PIK3C2G: variants seen among roughly 807,000 people sequenced by gnomAD.
The protein encoded by PIK3C2G is phosphatidylinositol-4-phosphate 3-kinase catalytic subunit type 2 gamma, also known as phosphatidylinositol 3-kinase C2 domain-containing subunit gamma.
Under a neutral mutation model 181.1 loss-of-function variants are expected in PIK3C2G, and 168 were observed. The observed-to-expected ratio is 0.93, with a 90% CI of 0.82 to 1.05. The LOEUF (loss-of-function observed/expected upper bound fraction) is 1.05. Ranked by LOEUF, PIK3C2G falls within the 50% of genes least tolerant of loss-of-function variation. PIK3C2G has a pLI of 0.00. For synonymous variants in PIK3C2G, 573 were observed against 592.2 expected (o/e 0.97, Z 0.47); for missense variants, 1,869 against 1,732.8 (o/e 1.08, Z -1.40).
At chr12:18,347,737 G>T (rs1939806655) in intron 11 of PIK3C2G, among the ~76,000 whole-genome samples, 1 of 151,994 alleles carries the variant, frequency 6.6e-6, no homozygotes, top group African/African-American at 2.4e-5. Flanking sequence ...CTTGAAACCA[G>T]GAAGCAGAGG....
intron 26 of PIK3C2G, 79 bp downstream of exon 26, chr12:18,546,511 G>A (rs1365532382): frequency 1.3e-6 from 1 of 798,372 alleles, no homozygotes; most frequent in Non-Finnish European, 2.1e-6. Flanking sequence ...ATGATTTCAG[G>A]TTGACCAGTC....
At chr12:18,547,093 C>G (rs1428803766) in intron 26 of PIK3C2G, among the ~76,000 whole-genome samples, 2 of 151,938 alleles carry the variant, frequency 1.3e-5, no homozygotes, top group Non-Finnish European at 2.9e-5. Context: ...AAACTGCATT[C>G]TTTCTTTCCT....
intron 18 of PIK3C2G, among the ~76,000 whole-genome samples, chr12:18,476,098 T>C (rs537954961): frequency 3.9e-5 from 6 of 152,200 alleles, no homozygotes; most frequent in Admixed American, 3.3e-4. Flanking sequence ...AAAATAACTG[T>C]CAATAAGAAC....
intron 23 of PIK3C2G, among the ~76,000 whole-genome samples, chr12:18,503,880 C>A (rs1941663365): frequency 6.6e-6 from 1 of 152,150 alleles, no homozygotes; most frequent in African/African-American, 2.4e-5. Flanking sequence ...TGACTGCAAA[C>A]ACTTTTTCTC....
At chr12:18,492,801 C>T (rs751403156) in intron 20 of PIK3C2G, among the ~76,000 whole-genome samples, 7 of 152,118 alleles carry the variant, frequency 4.6e-5, no homozygotes, top group Non-Finnish European at 1.0e-4. Flanking sequence ...TGTGCAGGTG[C>T]ACCGGCTGGG....
the PIK3C2G span, among the ~76,000 whole-genome samples, chr12:18,703,266 G>A: frequency 3.9e-5 from 6 of 152,062 alleles, no homozygotes; most frequent in African/African-American, 9.7e-5. Flanking sequence ...TTATCACACA[G>A]TTCATTTTTT....
chr12:18,435,790 T>C (rs539051931), intron 18 of PIK3C2G, among the ~76,000 whole-genome samples: 1 of 152,180 alleles, frequency 6.6e-6, no homozygotes, highest in South Asian at 2.1e-4. Flanking sequence ...TCTGTCTATA[T>C]AGAATCCTTT....
In PIK3C2G at chr12:18,399,649, G is replaced by A. The variant is rs182905938; in HGVS notation, c.2127-10G>A. ...TCCAGTAAATTACAGTTTCCAATCT[G>A]GTTTTTCAGACTCTCTGAAGAAAAG... On this transcript the variant is annotated splice_polypyrimidine_tract_variant and intron_variant, in intron 15 of 32. Coordinates refer to ENST00000538779, the MANE Select transcript of PIK3C2G (RefSeq NM_001288772.2). 4,902 of 1,521,802 alleles carry A rather than the reference G, an allele frequency of 3.2e-3. 14 individuals carry two copies. Among genetic ancestry groups the A allele is most frequent in the Non-Finnish European group, 3.8e-3 (4,215 of 1,118,698 alleles). 94.3% of individuals were successfully genotyped at this position (1,521,802 alleles called of 1,614,324 possible). A position where few individuals can be genotyped will look rare whatever the true frequency, so the allele number is the denominator to read the frequency against.
chr12:18,259,674 T>C (rs948886981), upstream of PIK3C2G, among the ~76,000 whole-genome samples: 4 of 152,136 alleles, frequency 2.6e-5, no homozygotes, highest in Non-Finnish European at 1.5e-5. Context: ...AAATTTTGAC[T>C]CTTACAATAA....
At chr12:18,425,425 C>T (rs1283322926) in intron 18 of PIK3C2G, among the ~76,000 whole-genome samples, 1 of 116,512 alleles carries the variant, frequency 8.6e-6, no homozygotes, top group Non-Finnish European at 1.7e-5. Context: ...CGGAGTCTCA[C>T]TTTGTCACCA....
the PIK3C2G span, chr12:18,684,319 C>A: frequency 6.5e-6 from 10 of 1,543,230 alleles, no homozygotes; most frequent in East Asian, 1.6e-4. Context: ...ATAATAGATA[C>A]CATATCTAGG....
At chr12:18,476,594 G>A (rs1183848700) in intron 18 of PIK3C2G, among the ~76,000 whole-genome samples, 1 of 152,078 alleles carries the variant, frequency 6.6e-6, no homozygotes, top group Non-Finnish European at 1.5e-5. Flanking sequence ...ATGACAGAAA[G>A]AAGAAACTAG....
At chr12:18,563,632 C>A in intron 28 of PIK3C2G, 134 bp downstream of exon 28, 1 of 720,720 alleles carries the variant, frequency 1.4e-6, no homozygotes, top group Non-Finnish European at 2.2e-6. Context: ...TCTATCCCAG[C>A]AGAGAGTCTG....
intron 18 of PIK3C2G, among the ~76,000 whole-genome samples, chr12:18,487,863 C>T (rs563254214): frequency 1.5e-4 from 22 of 150,260 alleles, no homozygotes; most frequent in African/African-American, 4.8e-4. Flanking sequence ...TAAATAAAAA[C>T]TCAGCCTAAT....
chr12:18,462,940 T>A (rs1025673145), intron 18 of PIK3C2G, among the ~76,000 whole-genome samples: 29 of 117,130 alleles, frequency 2.5e-4, no homozygotes, highest in African/African-American at 7.5e-4. Context: ...TTAAAAAAAA[T>A]AAGTGCTATA....
In PIK3C2G at chr12:18,441,436, T is replaced by C. The variant is rs145247555; in HGVS notation, c.2504+17397T>C. On this transcript the variant is annotated intron_variant, in intron 18 of 32. Coordinates refer to ENST00000538779, the MANE Select transcript of PIK3C2G (RefSeq NM_001288772.2). The stretch of plus-strand genomic sequence containing the variant: ...AATAGGAAAAATTGCTTTTTAAATA[T>C]ACTGGTGGGAAAAATCAAATAGAGA... Among the ~76,000 whole-genome samples the C allele has an allele frequency of 2.8e-3, 422 of 152,108 alleles. 2 individuals are homozygous for C. Among genetic ancestry groups the C allele is most frequent in the Middle Eastern group, 0.01 (3 of 294 alleles).
At chr12:18,562,460 C>T (rs1267280802) in intron 26 of PIK3C2G, among the ~76,000 whole-genome samples, 1 of 152,186 alleles carries the variant, frequency 6.6e-6, no homozygotes, top group African/African-American at 2.4e-5. Flanking sequence ...AACGTAGTCA[C>T]ACAATATAGC....
chr12:18,288,291 A>G (rs1293612033), intron 3 of PIK3C2G, among the ~76,000 whole-genome samples: 2 of 152,232 alleles, frequency 1.3e-5, no homozygotes, highest in East Asian at 3.8e-4. Context: ...CCAAATGATT[A>G]TTTGAAATAA....
intron 11 of PIK3C2G, among the ~76,000 whole-genome samples, chr12:18,353,790 G>A (rs980443855): frequency 3.3e-5 from 5 of 152,152 alleles, no homozygotes; most frequent in African/African-American, 1.2e-4. Flanking sequence ...AGAGATGTGT[G>A]CTTTACCAAG....
Sources: allele counts gnomAD v4.1 joint callset (sites outside exome capture counted in the v4.1 genomes callset), GRCh38; gene constraint gnomAD v4.1.1; transcripts MANE v1.5; gene names NCBI Gene and HGNC (gene_info 2026-07-23, HGNC 2026-07-21).